Variants in MECR observed in about 807,000 individuals in gnomAD.
The protein encoded by MECR is enoyl-[acyl-carrier-protein] reductase, mitochondrial.
MECR carries 37 observed loss-of-function variants against 49.1 expected under a neutral mutation model. That is an observed-to-expected ratio of 0.75 (90% CI 0.58 to 0.99). The LOEUF (loss-of-function observed/expected upper bound fraction) is 0.99. Among genes scored for constraint, MECR ranks in the 50% least tolerant of loss-of-function variants. The probability of loss-of-function intolerance (pLI) is 0.00; values close to 1 mark genes in which losing one functional copy is unlikely to be tolerated. For synonymous variants in MECR, 198 were observed against 191.1 expected (o/e 1.04, Z -0.30); for missense variants, 470 against 479.6 (o/e 0.98, Z 0.19).
chr1:29,179,915 T>C, the MECR span, among the ~76,000 whole-genome samples: 2 of 152,226 alleles, frequency 1.3e-5, no homozygotes, highest in Admixed American at 6.5e-5. Context: ...GATGAATCAG[T>C]TTCCCATTAA....
intron 1 of MECR, among the ~76,000 whole-genome samples, chr1:29,226,211 T>C (rs1359248175): frequency 6.7e-6 from 1 of 148,420 alleles, no homozygotes; most frequent in African/African-American, 2.5e-5. Context: ...AACGGGTATA[T>C]GTCCACGGGT....
At position 29,201,862 on chromosome 1, in the gene MECR, C is replaced by T; in HGVS notation, c.756+81G>A. ...TCCAGAGAGGAACAATGGGGCCAGT[C>T]CCCAGTTTCTCTAATGCATGTCAAC... On this transcript the variant is annotated intron_variant, in intron 6 of 9. Coordinates refer to ENST00000263702, the MANE Select transcript of MECR (RefSeq NM_016011.5). This position sits in a 1 kb window ranked among gnomAD's most constrained non-coding sequence, Gnocchi z 4.3. The T allele has an allele frequency of 2.5e-6, 3 of 1,204,156 alleles. No homozygotes were observed. Among genetic ancestry groups the T allele is most frequent in the Non-Finnish European group, 1.2e-6 (1 of 812,770 alleles). 74.6% of individuals were successfully genotyped at this position (1,204,156 alleles called of 1,614,324 possible).
Position 29,216,105 on chromosome 1 carries a change from A to G in MECR, c.306T>C (p.Ala102=), listed in dbSNP as rs1422280060. 2 of 1,613,960 alleles carry G rather than the reference A, an allele frequency of 1.2e-6. No homozygotes were observed. Among genetic ancestry groups the G allele is most frequent in the Non-Finnish European group, 1.7e-6 (2 of 1,179,964 alleles). ...GTGCAACACCTTCGTTCCCTCCAAC[A>G]GCAGGCAGTTCAGGAAGGAATCCGT... ...GNYGFLPELP[A]VGGNEGVAQV... is the part of the protein sequence containing the mutation. Residue 102 remains alanine, a synonymous_variant, in exon 3 of 10, where the codon GCT becomes GCC. Transcript: ENST00000263702.
chr1:29,222,158 A>G (rs1302189132), intron 1 of MECR, among the ~76,000 whole-genome samples: 2 of 152,216 alleles, frequency 1.3e-5, no homozygotes, highest in African/African-American at 4.8e-5. Context: ...CTGTGGCACA[A>G]TCTTGGCTCA....
At chr1:29,227,094 G>C (rs1682283159) in intron 1 of MECR, among the ~76,000 whole-genome samples, 1 of 151,788 alleles carries the variant, frequency 6.6e-6, no homozygotes, top group African/African-American at 2.4e-5. Context: ...CTCCCGAGTA[G>C]CTAGGATTAC....
intron 7 of MECR, among the ~76,000 whole-genome samples, chr1:29,197,725 C>T (rs1674339488): frequency 6.6e-6 from 1 of 152,254 alleles, no homozygotes; most frequent in South Asian, 2.1e-4. Flanking sequence ...TAGAAAGTAG[C>T]TCCTGGGAGC....
At chr1:29,195,484 G>A (rs993957173) in intron 9 of MECR, among the ~76,000 whole-genome samples, 2 of 152,152 alleles carry the variant, frequency 1.3e-5, no homozygotes, top group African/African-American at 4.8e-5. Flanking sequence ...CTTTGGGCAC[G>A]CTACTTAACC....
At chr1:29,175,974 C>T in the MECR span, among the ~76,000 whole-genome samples, 14 of 151,932 alleles carry the variant, frequency 9.2e-5, no homozygotes, top group South Asian at 2.1e-4. Flanking sequence ...AAAAGGTGGC[C>T]GGGCATGGTG....
the MECR span, chr1:29,181,618 C>T: frequency 6.4e-7 from 1 of 1,556,080 alleles, no homozygotes. Context: ...TGTCCCCGCC[C>T]GGCCGGACCC....
chr1:29,228,476 C>T (rs888679582), intron 1 of MECR, among the ~76,000 whole-genome samples: 51 of 151,850 alleles, frequency 3.4e-4, no homozygotes, highest in African/African-American at 1.2e-3. Flanking sequence ...CTCAGCCTCC[C>T]GAGTAGCTGG....
the MECR span, among the ~76,000 whole-genome samples, chr1:29,175,906 G>C: frequency 2.0e-4 from 31 of 151,886 alleles, no homozygotes; most frequent in Non-Finnish European, 1.2e-4. Flanking sequence ...CTAATGCTTT[G>C]TACATGCCAG....
chr1:29,226,869 A>T (rs998744706), intron 1 of MECR, among the ~76,000 whole-genome samples: 3 of 152,144 alleles, frequency 2.0e-5, no homozygotes, highest in African/African-American at 4.8e-5. Flanking sequence ...TTTCACCAGA[A>T]GATCCAGAGA....
At chr1:29,175,525 C>A in the MECR span, among the ~76,000 whole-genome samples, 11 of 149,830 alleles carry the variant, frequency 7.3e-5, no homozygotes, top group East Asian at 7.8e-4. Context: ...GAAACCCCGT[C>A]TCTACTAAAA....
At chr1:29,217,480 G>A (rs530071222) in intron 1 of MECR, among the ~76,000 whole-genome samples, 1 of 152,204 alleles carries the variant, frequency 6.6e-6, no homozygotes, top group Admixed American at 6.5e-5. Context: ...CTCCTAAAGT[G>A]CTGGGATTAC....
At chr1:29,181,513 G>A in the MECR span, 1 of 731,252 alleles carries the variant, frequency 1.4e-6, no homozygotes, top group Non-Finnish European at 2.0e-6. Flanking sequence ...CCGAGGCGCC[G>A]CCACTATGGC....
chr1:29,181,717 C>A, the MECR span: 1 of 1,594,604 alleles, frequency 6.3e-7, no homozygotes, highest in Non-Finnish European at 8.5e-7. Context: ...GCTCCCGGGC[C>A]TGGTAGCTCA....
chr1:29,186,159 G>A, the MECR span, among the ~76,000 whole-genome samples: 3 of 152,328 alleles, frequency 2.0e-5, no homozygotes, highest in East Asian at 1.9e-4. Context: ...CACCATCAGC[G>A]AGGTGCCAAA....
the MECR span, among the ~76,000 whole-genome samples, chr1:29,178,640 G>A: frequency 3.9e-5 from 6 of 152,074 alleles, no homozygotes; most frequent in Non-Finnish European, 7.4e-5. Context: ...ACAGGCCACC[G>A]CGCCCGGCCT....
At chr1:29,222,501 G>T (rs972275871) in intron 1 of MECR, among the ~76,000 whole-genome samples, 3 of 152,110 alleles carry the variant, frequency 2.0e-5, no homozygotes, top group Non-Finnish European at 4.4e-5. Context: ...GAGAAGTCCC[G>T]GAATAAAGAA....
Sources: allele counts gnomAD v4.1 joint callset (sites outside exome capture counted in the v4.1 genomes callset), GRCh38; gene constraint gnomAD v4.1.1; non-coding constraint Gnocchi (gnomAD v3.1); transcripts MANE v1.5; gene names NCBI Gene and HGNC (gene_info 2026-07-23, HGNC 2026-07-21).